Variants in CCT6B observed in about 807,000 individuals in gnomAD.
The protein encoded by CCT6B is chaperonin containing TCP1 subunit 6B, also known as probable T-complex protein 1 subunit zeta-2.
CCT6B carries 49 observed loss-of-function variants against 61.5 expected under a neutral mutation model. The ratio of observed to expected loss-of-function variants is 0.80; its 90% CI spans 0.63 to 1.01. The LOEUF is 1.01. Ranked by LOEUF, CCT6B falls within the 50% of genes least tolerant of loss-of-function variation. CCT6B has a pLI of 0.00. For missense variants in CCT6B, 666 were observed against 634.7 expected, an observed-to-expected ratio of 1.05 and a Z score of -0.53; for synonymous variants, 228 against 214.5, an observed-to-expected ratio of 1.06 and a Z score of -0.55.
In CCT6B at chr17:34,961,184, C is replaced by T. The variant is rs201125387; in HGVS notation, c.137+73G>A. ...AAGAACATCCACAGCGCTACGCGGA[C>T]GCCTGCCTCAGAGGGCGACAGGACA... On this transcript the variant is annotated intron_variant, in intron 1 of 13. Transcript: ENST00000314144. 1.1e-4 allele frequency: 164 copies of T among 1,504,912 alleles called. 1 individual carries two copies. In the East Asian group the frequency reaches 3.7e-3, roughly 34 times the overall value. The allele number at this position is 1,504,912 out of a possible 1,614,324, so 93.2% of individuals were successfully genotyped here. A position where few individuals can be genotyped will look rare whatever the true frequency, so the allele number is the denominator to read the frequency against.
chr17:34,938,594 A>G (rs2090121698), intron 10 of CCT6B, among the ~76,000 whole-genome samples: 1 of 151,960 alleles, frequency 6.6e-6, no homozygotes, highest in Non-Finnish European at 1.5e-5. Context: ...AGCCAGGCGC[A>G]GTGGCTCATG....
At chr17:34,957,249 A>G (rs1287750479) in intron 3 of CCT6B, among the ~76,000 whole-genome samples, 2 of 150,104 alleles carry the variant, frequency 1.3e-5, no homozygotes, top group African/African-American at 4.9e-5. Flanking sequence ...GGTTCAAGCA[A>G]TTCTCCTGCC....
At chr17:34,954,666 CTGAT>C (rs2142177691) in intron 3 of CCT6B, 67 bp from the exon 4 acceptor site, 9 of 1,297,434 alleles carry the variant, frequency 6.9e-6, no homozygotes, top group South Asian at 2.8e-5. Context: ...ACCAACCTGT[CTGAT>C]TATTATGTTC....
At chr17:34,952,103 A>G (rs1156923364) in intron 4 of CCT6B, 50 bp from the exon 5 acceptor site, 1 of 1,155,682 alleles carries the variant, frequency 8.7e-7, no homozygotes, top group South Asian at 1.3e-5. Flanking sequence ...CTACTAAAAT[A>G]AACCAAGGGC....
At chr17:34,936,209 A>C (rs1289466730) in intron 10 of CCT6B, among the ~76,000 whole-genome samples, 1 of 152,158 alleles carries the variant, frequency 6.6e-6, no homozygotes, top group Non-Finnish European at 1.5e-5. Flanking sequence ...TCAGCCTCCC[A>C]AAATGCTGGA....
At chr17:34,953,342 T>G (rs1567672420) in intron 4 of CCT6B, among the ~76,000 whole-genome samples, 2 of 125,488 alleles carry the variant, frequency 1.6e-5, no homozygotes, top group Non-Finnish European at 3.4e-5. Context: ...TATATATATA[T>G]TTTTTTGAGA....
intron 9 of CCT6B, 43 bp downstream of exon 9, chr17:34,939,574 G>T: frequency 8.2e-7 from 1 of 1,213,572 alleles, no homozygotes; most frequent in Non-Finnish European, 1.2e-6. Flanking sequence ...AAAAAAGGGG[G>T]CTTAGTATTC....
chr17:34,944,880 C>T (rs2090206313), intron 5 of CCT6B, among the ~76,000 whole-genome samples: 1 of 152,202 alleles, frequency 6.6e-6, no homozygotes, highest in South Asian at 2.1e-4. Flanking sequence ...GAGCCGCGAT[C>T]GCGCCACTGG....
intron 12 of CCT6B, 87 bp downstream of exon 12, chr17:34,930,862 C>T: frequency 3.6e-6 from 2 of 559,372 alleles, no homozygotes; most frequent in South Asian, 2.6e-5. Context: ...ATTAAAGTTA[C>T]CCAAACCTCT....
At chr17:34,957,336 G>A (rs2090360125) in intron 3 of CCT6B, among the ~76,000 whole-genome samples, 1 of 151,616 alleles carries the variant, frequency 6.6e-6, no homozygotes, top group African/African-American at 2.4e-5. Context: ...CAGAGACAGG[G>A]TTTCTCCACG....
At chr17:34,937,102 G>A (rs766922201) in intron 10 of CCT6B, among the ~76,000 whole-genome samples, 8 of 152,050 alleles carry the variant, frequency 5.3e-5, no homozygotes, top group Non-Finnish European at 1.0e-4. Context: ...AGTCTGCAGT[G>A]AGCCATGATC....
In CCT6B at chr17:34,954,393, AT is replaced by A. The variant is rs756810408; in HGVS notation, c.510+32del. ...AAAATATCACCATGCATTAGGCTATATTTGTTCTGAATGCAAAAGTTTAATA... is the reference window on the plus strand; with the variant it reads ...AAAATATCACCATGCATTAGGCTATATTGTTCTGAATGCAAAAGTTTAATA... On this transcript the variant is annotated intron_variant, in intron 4 of 13. Coordinates refer to ENST00000314144, the MANE Select transcript of CCT6B (RefSeq NM_006584.4). 7.8e-6 allele frequency: 12 copies of A among 1,544,424 alleles called. No homozygotes were observed. In the Admixed American group the frequency reaches 1.4e-4, roughly 18 times the overall value.
chr17:34,952,535 T>A (rs1409495192), intron 4 of CCT6B, among the ~76,000 whole-genome samples: 1 of 152,230 alleles, frequency 6.6e-6, no homozygotes, highest in Non-Finnish European at 1.5e-5. Context: ...TGTTTTATCG[T>A]GAAAAGTTTC....
chr17:34,928,928 A>G, intron 13 of CCT6B, 34 bp downstream of exon 13: 1 of 1,159,088 alleles, frequency 8.6e-7, no homozygotes, highest in Non-Finnish European at 1.3e-6. Flanking sequence ...TTATAACTCT[A>G]CAGGTCTTTC....
At chr17:34,944,165 C>T (rs2090198064) in intron 5 of CCT6B, 1 of 152,176 alleles carries the variant, frequency 6.6e-6, no homozygotes, top group Non-Finnish European at 1.5e-5. Context: ...CTTCAAGCCT[C>T]CTTCACTTTC....
Position 34,958,497 on chromosome 17 carries a change from T to C in CCT6B, c.336+63A>G, listed in dbSNP as rs1430932894. ...AAATTAACTGTCTAAAACTCAACCATTTTACTAGTTAAAAAAATAATTTGC... is the reference window on the plus strand; with the variant it reads ...AAATTAACTGTCTAAAACTCAACCACTTTACTAGTTAAAAAAATAATTTGC... On this transcript the variant is annotated intron_variant, in intron 3 of 13. Coordinates refer to ENST00000314144, the MANE Select transcript of CCT6B (RefSeq NM_006584.4). 2.9e-6 allele frequency: 3 copies of C among 1,021,826 alleles called. No homozygotes were observed. The African/African-American group carries it at 5.0e-5, about 17-fold the overall frequency. 63.3% of individuals were successfully genotyped at this position (1,021,826 alleles called of 1,614,324 possible). A position where few individuals can be genotyped will look rare whatever the true frequency, so the allele number is the denominator to read the frequency against.
At chr17:34,952,575 T>C (rs2090303821) in intron 4 of CCT6B, among the ~76,000 whole-genome samples, 2 of 152,210 alleles carry the variant, frequency 1.3e-5, no homozygotes, top group African/African-American at 4.8e-5. Flanking sequence ...TTTATCTCAA[T>C]GTAAAAATAA....
rs536257664 is a variant in CCT6B at position 34,932,520 on chromosome 17, T to G, written c.1214-20A>C. 2 of 1,578,232 alleles carry G rather than the reference T, an allele frequency of 1.3e-6. No individual in the cohort carries two copies. Among genetic ancestry groups the G allele is most frequent in the South Asian group, 2.4e-5 (2 of 83,190 alleles). ...TACAACCTATTGGAGAGAAAAAATA[T>G]GATTGGCAAGACATGCCATAAAGAC... On this transcript the variant is annotated intron_variant, in intron 10 of 13. Transcript: ENST00000314144.
chr17:34,946,949 T>C (rs1476259848), intron 5 of CCT6B, among the ~76,000 whole-genome samples: 1 of 152,128 alleles, frequency 6.6e-6, no homozygotes, highest in Non-Finnish European at 1.5e-5. Flanking sequence ...CTTGTGAGAG[T>C]GCTGATTACA....
Sources: gnomAD v4.1 joint callset for allele counts (sites outside exome capture counted in the v4.1 genomes callset) on GRCh38, gnomAD v4.1.1 for gene constraint, MANE v1.5 for transcripts, NCBI Gene and HGNC (gene_info 2026-07-23, HGNC 2026-07-21) for gene names.